The following NPAS3 variants were observed in gnomAD, a reference collection of about 807,000 sequenced individuals.
NPAS3 encodes neuronal PAS domain protein 3.
A neutral mutation model predicts 73.1 loss-of-function variants in NPAS3; 14 were observed. That is an observed-to-expected ratio of 0.19 (90% CI 0.13 to 0.30). The LOEUF (loss-of-function observed/expected upper bound fraction) is 0.30, where lower values mean the gene tolerates loss of function less well. NPAS3 is among the 10% of genes least tolerant of loss of function. The pLI is 1.00. For synonymous variants in NPAS3, 620 were observed against 541.5 expected, an observed-to-expected ratio of 1.14 and a Z score of -2.01; for missense variants, 1,096 against 1,250.0, an observed-to-expected ratio of 0.88 and a Z score of 1.86.
At chr14:33,631,258 C>T (rs893492533) in intron 5 of NPAS3, among the ~76,000 whole-genome samples, 4 of 152,204 alleles carry the variant, frequency 2.6e-5, no homozygotes, top group Admixed American at 2.6e-4. Flanking sequence ...GTGGAGCCCA[C>T]ATTTACGTAA....
chr14:33,598,253 C>A (rs561738567), intron 5 of NPAS3, among the ~76,000 whole-genome samples: 2 of 152,322 alleles, frequency 1.3e-5, no homozygotes, highest in African/African-American at 4.8e-5. Flanking sequence ...CTAATGCTGA[C>A]ATTCCAGTTT....
chr14:33,627,100 G>T lies in NPAS3; in HGVS notation c.559-49111G>T, dbSNP rs144161651. ...AATTTTTATTCAGAGGGGATGGAGA[G>T]AAATTAGTCTAAAATTATAAAGTTT... On this transcript the variant is annotated intron_variant, in intron 5 of 11. Transcript: ENST00000356141. Among the ~76,000 whole-genome samples the T allele has an allele frequency of 2.0e-5, 3 of 152,142 alleles. No homozygotes were observed. The East Asian group carries it at 5.8e-4, about 29-fold the overall frequency.
chr14:33,400,675 T>C (rs1007836122), intron 4 of NPAS3, among the ~76,000 whole-genome samples: 3 of 152,154 alleles, frequency 2.0e-5, no homozygotes, highest in Admixed American at 6.5e-5. Flanking sequence ...AGTCCAACTC[T>C]GAAGGCTTCT....
chr14:33,466,541 T>A (rs1357542354), intron 4 of NPAS3, among the ~76,000 whole-genome samples: 1 of 152,190 alleles, frequency 6.6e-6, no homozygotes, highest in East Asian at 1.9e-4. Flanking sequence ...TAGTCAGTTC[T>A]CACATTGCTG....
At chr14:33,664,986 A>T (rs934869023) in intron 5 of NPAS3, among the ~76,000 whole-genome samples, 50 of 152,208 alleles carry the variant, frequency 3.3e-4, no homozygotes, top group African/African-American at 1.2e-3. Context: ...ATACCATTTG[A>T]CCCAGCCATC....
At chr14:33,443,088 C>G (rs2049325747) in intron 4 of NPAS3, among the ~76,000 whole-genome samples, 1 of 152,156 alleles carries the variant, frequency 6.6e-6, no homozygotes, top group African/African-American at 2.4e-5. Context: ...TACAGATTGA[C>G]CAGCTTCCCT....
intron 3 of NPAS3, among the ~76,000 whole-genome samples, chr14:33,267,994 G>A (rs375272032): frequency 6.6e-6 from 1 of 152,100 alleles, no homozygotes; most frequent in East Asian, 1.9e-4. Flanking sequence ...TATGCCTAAG[G>A]ATGACATAAA....
chr14:33,585,064 C>CTT (rs111657607), intron 5 of NPAS3, among the ~76,000 whole-genome samples: 7 of 151,024 alleles, frequency 4.6e-5, no homozygotes, highest in South Asian at 2.1e-4. Context: ...AAGTTCAATT[C>CTT]TTTCTTTTTT....
chr14:33,340,104 G>C (rs1420527239), intron 3 of NPAS3, among the ~76,000 whole-genome samples: 3 of 152,142 alleles, frequency 2.0e-5, no homozygotes, highest in Admixed American at 2.0e-4. Context: ...GAAACATATA[G>C]TTGTTTTATT....
At chr14:33,176,034 A>G (rs2045577803) in intron 2 of NPAS3, among the ~76,000 whole-genome samples, 1 of 152,212 alleles carries the variant, frequency 6.6e-6, no homozygotes, top group Non-Finnish European at 1.5e-5. Flanking sequence ...CAATTTTATT[A>G]CATACCTGTT....
intron 9 of NPAS3, among the ~76,000 whole-genome samples, chr14:33,784,362 A>C (rs566421541): frequency 9.8e-5 from 15 of 152,388 alleles, no homozygotes; most frequent in African/African-American, 3.4e-4. Context: ...AGGCAGCATG[A>C]AACAGCCAAT....
In NPAS3 at chr14:33,711,400, C is replaced by T. The variant is rs547318755; in HGVS notation, c.734-23814C>T. Among the ~76,000 whole-genome samples, 33 of 152,166 alleles carry T rather than the reference C, an allele frequency of 2.2e-4. 2 individuals are homozygous for T. The highest frequency in any genetic ancestry group is 1.7e-3 in the Admixed American group (26 of 15,274). On this transcript the variant is annotated intron_variant, in intron 6 of 11. Coordinates refer to ENST00000356141, the Ensembl canonical transcript of NPAS3. ...AAGTTGGGGCCTTTTAAAATGCGAC[C>T]GGACAATGCTTTTGAGACTATAACA...
chr14:33,622,796 G>A (rs981208602), intron 5 of NPAS3, among the ~76,000 whole-genome samples: 1 of 152,162 alleles, frequency 6.6e-6, no homozygotes, highest in Non-Finnish European at 1.5e-5. Flanking sequence ...AAAAATGAAA[G>A]AAGGGAAGTT....
intron 3 of NPAS3, among the ~76,000 whole-genome samples, chr14:33,322,469 T>A (rs1296318116): frequency 6.6e-6 from 1 of 152,042 alleles, no homozygotes; most frequent in African/African-American, 2.4e-5. Flanking sequence ...GGTGTGTGTG[T>A]CCTCTGTGTA....
intron 7 of NPAS3, among the ~76,000 whole-genome samples, chr14:33,749,470 C>G (rs1276146814): frequency 6.6e-6 from 1 of 152,044 alleles, no homozygotes; most frequent in African/African-American, 2.4e-5. Context: ...GTGAAATTAA[C>G]AATATTATAA....
intron 6 of NPAS3, among the ~76,000 whole-genome samples, chr14:33,678,174 C>T (rs989976772): frequency 1.3e-5 from 2 of 152,204 alleles, no homozygotes; most frequent in Admixed American, 1.3e-4. Context: ...AACCAGCAGG[C>T]AGCCTTTCCA....
chr14:33,662,008 A>G (rs528463022), intron 5 of NPAS3, among the ~76,000 whole-genome samples: 1 of 152,350 alleles, frequency 6.6e-6, no homozygotes, highest in African/African-American at 2.4e-5. Flanking sequence ...GTCAAAATGA[A>G]TTGGTAAATT....
At chr14:33,587,680 C>T (rs558389678) in intron 5 of NPAS3, among the ~76,000 whole-genome samples, 24 of 152,284 alleles carry the variant, frequency 1.6e-4, no homozygotes, top group African/African-American at 4.6e-4. Context: ...GCTCTGATTT[C>T]GGTGTATACC....
At chr14:33,275,628 C>A (rs572351010) in intron 3 of NPAS3, among the ~76,000 whole-genome samples, 1 of 152,264 alleles carries the variant, frequency 6.6e-6, no homozygotes, top group South Asian at 2.1e-4. Flanking sequence ...ATAATAGATT[C>A]ATCCAGGATG....
Sources: gnomAD v4.1 joint callset for allele counts (sites outside exome capture counted in the v4.1 genomes callset) on GRCh38, gnomAD v4.1.1 for gene constraint, MANE v1.5 for transcripts, NCBI Gene and HGNC (gene_info 2026-07-23, HGNC 2026-07-21) for gene names.